SGTA: variants seen among roughly 807,000 people sequenced by gnomAD.
SGTA encodes the protein small glutamine rich tetratricopeptide repeat co-chaperone alpha.
SGTA carries 22 observed loss-of-function variants against 44.3 expected under a neutral mutation model. That is an observed-to-expected ratio of 0.50 (90% CI 0.36 to 0.71). SGTA has a LOEUF of 0.71. Ranked by LOEUF, SGTA falls within the 30% of genes least tolerant of loss-of-function variation. The pLI, the probability that SGTA is intolerant of heterozygous loss-of-function variation, is 0.00. For missense variants in SGTA, 341 were observed against 435.9 expected, an observed-to-expected ratio of 0.78 and a Z score of 1.94; for synonymous variants, 174 against 177.6, an observed-to-expected ratio of 0.98 and a Z score of 0.16.
At chr19:2,778,214 G>T (rs554636864) in intron 1 of SGTA, among the ~76,000 whole-genome samples, 2 of 152,046 alleles carry the variant, frequency 1.3e-5, no homozygotes, top group Non-Finnish European at 2.9e-5. Flanking sequence ...TGAGGGGTGT[G>T]GGGGGCAGGG....
intron 9 of SGTA, 69 bp downstream of exon 9, chr19:2,759,188 A>G: frequency 7.0e-7 from 1 of 1,426,408 alleles, no homozygotes; most frequent in South Asian, 1.2e-5. Context: ...TTTTATGTTA[A>G]GTGAATTTAC....
chr19:2,761,387 T>C lies in SGTA; in HGVS notation c.699+73A>G, dbSNP rs1914983471. On this transcript the variant is annotated intron_variant, in intron 8 of 11. Transcript: ENST00000221566. The surrounding 1 kb of genome is among the most constrained non-coding windows in gnomAD (Gnocchi z 5.7). ...GCCAAGGCAAGGAAGCCCTGGCCAG[T>C]AGCGGACACAGCAGATGCGGGCCTG... 58 of 1,325,952 alleles carry C rather than the reference T, an allele frequency of 4.4e-5. No individual in the cohort carries two copies. The highest frequency in any genetic ancestry group is 5.8e-5 in the Non-Finnish European group (55 of 945,124). The allele number at this position is 1,325,952 out of a possible 1,614,324, so 82.1% of individuals were successfully genotyped here.
rs777500725 is a variant in SGTA at position 2,767,530 on chromosome 19, G to A, written c.207+50C>T. The A allele has an allele frequency of 4.7e-6, 7 of 1,479,582 alleles. No individual in the cohort carries two copies. In the Admixed American group the frequency reaches 8.4e-5, roughly 18 times the overall value. The allele number at this position is 1,479,582 out of a possible 1,614,324, so 91.7% of individuals were successfully genotyped here. On this transcript the variant is annotated intron_variant, in intron 3 of 11. Coordinates refer to ENST00000221566, the MANE Select transcript of SGTA (RefSeq NM_003021.4). This position sits in a 1 kb window ranked among gnomAD's most constrained non-coding sequence, Gnocchi z 7.3. ...CCTGGGGTCCCCAGGGCTGCCTGCT[G>A]TTGCTGTTCTTATTTTGGGGGCAGT... is the stretch of plus-strand genomic sequence containing the variant.
intron 1 of SGTA, among the ~76,000 whole-genome samples, chr19:2,780,429 A>G (rs921012798): frequency 1.3e-5 from 2 of 152,146 alleles, no homozygotes; most frequent in African/African-American, 4.8e-5. Flanking sequence ...CTGCACACAT[A>G]AAAGCTCTCA....
At chr19:2,758,041 C>G (rs1246639949) in intron 9 of SGTA, among the ~76,000 whole-genome samples, 1 of 152,160 alleles carries the variant, frequency 6.6e-6, no homozygotes, top group Admixed American at 6.5e-5. Context: ...CCAGAGGACC[C>G]CTGCAATGGC....
At position 2,762,584 on chromosome 19, in the gene SGTA, C is replaced by G; in HGVS notation, c.558G>C (p.Leu186=). The change falls in exon 7 of 12, where the codon CTG becomes CTC. Residue 186 remains leucine, a synonymous_variant. Coordinates refer to ENST00000221566, the MANE Select transcript of SGTA (RefSeq NM_003021.4). ...VEAVAYYKKA[L]ELDPDNETYK... Reference sequence around the variant, plus strand: ...ATGTCTCGTTGTCGGGGTCCAGCTCCAGAGCCTTCTTGTAGTAAGCCACGG... The same window carrying G: ...ATGTCTCGTTGTCGGGGTCCAGCTCGAGAGCCTTCTTGTAGTAAGCCACGG... 6.2e-7 allele frequency: 1 copy of G among 1,614,138 alleles called. No individual in the cohort carries two copies. Among genetic ancestry groups the G allele is most frequent in the Non-Finnish European group, 8.5e-7 (1 of 1,180,008 alleles).
intron 5 of SGTA, among the ~76,000 whole-genome samples, chr19:2,764,241 G>A (rs1016756335): frequency 6.6e-6 from 1 of 152,072 alleles, no homozygotes; most frequent in Non-Finnish European, 1.5e-5. Flanking sequence ...CATGACAGGC[G>A]GCCAGGAACC....
chr19:2,760,146 G>A (rs998929670), intron 8 of SGTA, among the ~76,000 whole-genome samples: 3 of 152,032 alleles, frequency 2.0e-5, no homozygotes, highest in South Asian at 2.1e-4. Context: ...GGTGCCTGAC[G>A]CAACTACTCA....
At position 2,769,095 on chromosome 19, in the gene SGTA, G is replaced by A. The variant is rs1915229124; in HGVS notation, c.-23-4C>T. On this transcript the variant is annotated splice_polypyrimidine_tract_variant and splice_region_variant and intron_variant, in intron 1 of 11. Transcript: ENST00000221566. ...TTGAGCCCAGAAGAGGTGATACCTG[G>A]GGGTGCAGGAAAAACCCCCATCAGG... The A allele has an allele frequency of 1.9e-6, 3 of 1,597,536 alleles. No homozygotes were observed. Among genetic ancestry groups the A allele is most frequent in the Admixed American group, 1.7e-5 (1 of 59,934 alleles).
At position 2,765,583 on chromosome 19, in the gene SGTA, C is replaced by T. The variant is rs1035386076; in HGVS notation, c.293-298G>A. On this transcript the variant is annotated intron_variant, in intron 4 of 11. Transcript: ENST00000221566. The surrounding 1 kb of genome is among the most constrained non-coding windows in gnomAD (Gnocchi z 5.5). ...GCTGTCACTGCCTGGATGGCGACCC[C>T]GGGAGCAGAACAGTTAATACAGCTC... Among the ~76,000 whole-genome samples the T allele has an allele frequency of 5.3e-5, 8 of 152,174 alleles. No individual in the cohort carries two copies. The highest frequency in any genetic ancestry group is 1.4e-4 in the African/African-American group (6 of 41,428).
intron 8 of SGTA, among the ~76,000 whole-genome samples, chr19:2,760,468 A>G (rs1300398717): frequency 6.9e-6 from 1 of 145,330 alleles, no homozygotes; most frequent in East Asian, 2.1e-4. Context: ...CAGTGAGCTG[A>G]GATCACACCA....
At chr19:2,776,145 G>A (rs1194025602) in intron 1 of SGTA, among the ~76,000 whole-genome samples, 1 of 152,196 alleles carries the variant, frequency 6.6e-6, no homozygotes, top group Non-Finnish European at 1.5e-5. Flanking sequence ...ACAGGGTTCA[G>A]AGAGCAAACC....
At chr19:2,769,546 C>T (rs551501758) in intron 1 of SGTA, among the ~76,000 whole-genome samples, 50 of 152,336 alleles carry the variant, frequency 3.3e-4, no homozygotes, top group Admixed American at 3.0e-3. Context: ...TTGTCCTCAG[C>T]CAGAGCCACT....
chr19:2,756,836 C>A (rs1914832121), intron 11 of SGTA, among the ~76,000 whole-genome samples: 1 of 152,182 alleles, frequency 6.6e-6, no homozygotes, highest in Non-Finnish European at 1.5e-5. Context: ...AAGTGCAACA[C>A]CTGCTCACAG....
chr19:2,764,218 GACTAA>G (rs1915078865), intron 5 of SGTA, among the ~76,000 whole-genome samples: 1 of 152,134 alleles, frequency 6.6e-6, no homozygotes, highest in South Asian at 2.1e-4. Context: ...AGTGAGTGGA[GACTAA>G]ACTACCCCAT....
In SGTA at chr19:2,757,712, G is replaced by A. The variant is rs1456235694; in HGVS notation, c.808C>T (p.Leu270=). 6.3e-7 allele frequency: 1 copy of A among 1,594,464 alleles called. No individual in the cohort carries two copies. Among genetic ancestry groups the A allele is most frequent in the Non-Finnish European group, 8.5e-7 (1 of 1,171,536 alleles). Residue 270 remains leucine, a synonymous_variant, in exon 10 of 12, where the codon CTG becomes TTG. Transcript: ENST00000221566. The part of the protein sequence containing the change: ...TPGTSPSQND[L]ASLIQAGQQF... Reference sequence around the variant, plus strand: ...ACTCACGCCTGGATGAGGCTGGCCAGGTCGTTCTGCGAGGGGCTGGTGCCG... The same window carrying A: ...ACTCACGCCTGGATGAGGCTGGCCAAGTCGTTCTGCGAGGGGCTGGTGCCG...
At chr19:2,758,719 G>A (rs74328947) in intron 9 of SGTA, among the ~76,000 whole-genome samples, 1,806 of 152,302 alleles carry the variant, frequency 0.012, 23 homozygotes, top group African/African-American at 0.041. Context: ...ACAGACAAAA[G>A]GTAGAAACAG....
At chr19:2,766,671 G>A (rs747562868) in intron 4 of SGTA, among the ~76,000 whole-genome samples, 118 of 152,078 alleles carry the variant, frequency 7.8e-4, no homozygotes, top group Non-Finnish European at 1.3e-3. Flanking sequence ...CCTGACCTCA[G>A]GCAATCTGCC....
chr19:2,759,829 G>A (rs1914934778), intron 8 of SGTA, among the ~76,000 whole-genome samples: 2 of 152,004 alleles, frequency 1.3e-5, no homozygotes, highest in African/African-American at 4.8e-5. Flanking sequence ...GTGTGGTGGT[G>A]CATGCCTGTA....
Sources: gnomAD v4.1 joint callset for allele counts (sites outside exome capture counted in the v4.1 genomes callset) on GRCh38, gnomAD v4.1.1 for gene constraint, Gnocchi (gnomAD v3.1) non-coding constraint, MANE v1.5 for transcripts, NCBI Gene and HGNC (gene_info 2026-07-23, HGNC 2026-07-21) for gene names.